The following OMA1 variants were observed in gnomAD, a reference collection of about 807,000 sequenced individuals.
The protein encoded by OMA1 is metalloendopeptidase OMA1, mitochondrial.
Under a neutral mutation model 30.9 loss-of-function variants are expected in OMA1, and 38 were observed. That is an observed-to-expected ratio of 1.23 (90% confidence interval 0.95 to 1.61). The LOEUF (loss-of-function observed/expected upper bound fraction) is 1.61. Ranked by LOEUF, OMA1 falls within the 40% of genes most tolerant of loss-of-function variation. OMA1 has a pLI of 0.00. For synonymous variants in OMA1, 173 were observed against 121.9 expected (o/e 1.42, Z -2.76); for missense variants, 461 against 349.2 (o/e 1.32, Z -2.55).
intron 6 of OMA1, among the ~76,000 whole-genome samples, chr1:58,527,592 A>G (rs986364421): frequency 6.6e-6 from 1 of 152,202 alleles, no homozygotes; most frequent in Non-Finnish European, 1.5e-5. Context: ...TAAGGAATTT[A>G]CTTCTATTTT....
intron 8 of OMA1, among the ~76,000 whole-genome samples, chr1:58,499,545 TTCAG>T (rs1350411443): frequency 1.4e-5 from 2 of 140,002 alleles, no homozygotes; most frequent in African/African-American, 5.4e-5. Flanking sequence ...AGTATAAACT[TTCAG>T]TCAGGAAAAG....
chr1:58,499,974 A>C (rs1645879790), intron 8 of OMA1, among the ~76,000 whole-genome samples: 1 of 152,298 alleles, frequency 6.6e-6, no homozygotes, highest in Non-Finnish European at 1.5e-5. Flanking sequence ...GAAGAAAAAA[A>C]TGGACAAAAA....
intron 8 of OMA1, among the ~76,000 whole-genome samples, chr1:58,493,087 C>T (rs1008193229): frequency 7.2e-5 from 11 of 152,166 alleles, no homozygotes; most frequent in African/African-American, 2.7e-4. Context: ...TGGGCTTCAT[C>T]CCTGGGATGC....
intron 7 of OMA1, among the ~76,000 whole-genome samples, chr1:58,512,381 AT>A (rs1483209675): frequency 2.6e-5 from 4 of 152,230 alleles, no homozygotes; most frequent in Admixed American, 6.5e-5. Context: ...TATCATTATG[AT>A]TCAGAAATCC....
intron 8 of OMA1, among the ~76,000 whole-genome samples, chr1:58,505,375 G>A (rs574201681): frequency 3.9e-5 from 6 of 152,282 alleles, no homozygotes; most frequent in African/African-American, 7.2e-5. Context: ...AGAAGAGAGC[G>A]TGTAACGTGG....
Position 58,506,355 on chromosome 1 carries a change from T to C in OMA1, c.1216-146A>G, listed in dbSNP as rs1645990683. 4 of 545,748 alleles carry C rather than the reference T, an allele frequency of 7.3e-6. No individual in the cohort carries two copies. The South Asian group carries it at 1.1e-4, about 14-fold the overall frequency. The allele number at this position is 545,748 out of a possible 1,614,324, so 33.8% of individuals were successfully genotyped here. Reference sequence around the variant, plus strand: ...ACAACGTGCAGGTTTGTTACATACGTATACATGTGCCATGTTGGTGTGCTG... The same window carrying C: ...ACAACGTGCAGGTTTGTTACATACGCATACATGTGCCATGTTGGTGTGCTG... On this transcript the variant is annotated intron_variant, in intron 7 of 8. Coordinates refer to ENST00000371226, the MANE Select transcript of OMA1 (RefSeq NM_145243.5).
intron 7 of OMA1, among the ~76,000 whole-genome samples, chr1:58,518,469 G>A (rs780094220): frequency 7.0e-4 from 106 of 151,988 alleles, no homozygotes; most frequent in Admixed American, 1.4e-3. Flanking sequence ...ATGGAGGGGA[G>A]TAGGACTGGA....
chr1:58,489,590 A>G (rs1284367218), intron 8 of OMA1, among the ~76,000 whole-genome samples: 1 of 152,200 alleles, frequency 6.6e-6, no homozygotes, highest in Non-Finnish European at 1.5e-5. Context: ...CTTAGAAGAG[A>G]GTAGTGGTTC....
chr1:58,538,726 A>T, intron 2 of OMA1, 69 bp downstream of exon 2: 1 of 653,400 alleles, frequency 1.5e-6, no homozygotes, highest in Non-Finnish European at 2.6e-6. Context: ...TCTAAAAGTT[A>T]ATACGTTAGC....
chr1:58,491,528 T>A (rs1447304107), intron 8 of OMA1, among the ~76,000 whole-genome samples: 1 of 152,078 alleles, frequency 6.6e-6, no homozygotes. Context: ...CCATCTCACG[T>A]GCAGAGACAC....
At chr1:58,491,896 A>C (rs1486106136) in intron 8 of OMA1, among the ~76,000 whole-genome samples, 2 of 152,208 alleles carry the variant, frequency 1.3e-5, no homozygotes, top group African/African-American at 4.8e-5. Context: ...AATTGAACTC[A>C]GCTCTGCACC....
At chr1:58,520,436 A>C (rs1014523346) in intron 7 of OMA1, among the ~76,000 whole-genome samples, 19 of 152,226 alleles carry the variant, frequency 1.2e-4, no homozygotes, top group African/African-American at 3.6e-4. Flanking sequence ...TCACAAAGGA[A>C]TATAAATGAA....
At chr1:58,522,082 C>T (rs1646273588) in intron 7 of OMA1, among the ~76,000 whole-genome samples, 2 of 152,046 alleles carry the variant, frequency 1.3e-5, no homozygotes, top group Admixed American at 6.6e-5. Context: ...CCCAAAAATG[C>T]AACTTAACTT....
At chr1:58,506,753 G>A (rs1054314744) in intron 7 of OMA1, among the ~76,000 whole-genome samples, 20 of 151,880 alleles carry the variant, frequency 1.3e-4, no homozygotes, top group Non-Finnish European at 5.9e-5. Flanking sequence ...AGAACAATCA[G>A]AAAAAAACTT....
intron 7 of OMA1, among the ~76,000 whole-genome samples, chr1:58,511,893 G>A (rs186080138): frequency 1.2e-4 from 18 of 151,712 alleles, no homozygotes; most frequent in Admixed American, 3.3e-4. Flanking sequence ...CCAAAAGCAC[G>A]GGAAACAAAA....
At chr1:58,534,831 G>A (rs1646491997) in intron 3 of OMA1, among the ~76,000 whole-genome samples, 1 of 152,204 alleles carries the variant, frequency 6.6e-6, no homozygotes, top group Non-Finnish European at 1.5e-5. Flanking sequence ...AGCTACATGG[G>A]AGGCTGAAGT....
At chr1:58,505,197 C>T (rs1458124882) in intron 8 of OMA1, among the ~76,000 whole-genome samples, 1 of 152,176 alleles carries the variant, frequency 6.6e-6, no homozygotes, top group Admixed American at 6.5e-5. Context: ...GGTGATCCAC[C>T]CACCTCAGCC....
chr1:58,529,023 A>G (rs1200447548), intron 6 of OMA1, among the ~76,000 whole-genome samples: 1 of 152,208 alleles, frequency 6.6e-6, no homozygotes, highest in Non-Finnish European at 1.5e-5. Flanking sequence ...TAGATAGATC[A>G]GGAAAATAAC....
At chr1:58,486,240 T>C (rs1645574049) in intron 8 of OMA1, among the ~76,000 whole-genome samples, 1 of 152,170 alleles carries the variant, frequency 6.6e-6, no homozygotes, top group Non-Finnish European at 1.5e-5. Context: ...AGTATGTACA[T>C]CCAACATCTA....
Sources: gnomAD v4.1 joint callset for allele counts (sites outside exome capture counted in the v4.1 genomes callset) on GRCh38, gnomAD v4.1.1 for gene constraint, MANE v1.5 for transcripts, NCBI Gene and HGNC (gene_info 2026-07-23, HGNC 2026-07-21) for gene names.